MGRN1: variants seen among roughly 807,000 people sequenced by gnomAD.
MGRN1 encodes E3 ubiquitin-protein ligase MGRN1.
MGRN1 carries 29 observed loss-of-function variants against 69.2 expected under a neutral mutation model. The ratio of observed to expected loss-of-function variants is 0.42; its 90% CI spans 0.31 to 0.57. The LOEUF is 0.57. Among genes scored for constraint, MGRN1 ranks in the 20% least tolerant of loss-of-function variants. MGRN1 has a pLI of 0.15. For missense variants in MGRN1, 998 were observed against 796.2 expected (o/e 1.25, Z -3.05); for synonymous variants, 470 against 344.2 (o/e 1.37, Z -4.04).
chr16:4,687,951 C>T (rs1255643347), intron 16 of MGRN1: 2 of 985,590 alleles, frequency 2.0e-6, no homozygotes, highest in Admixed American at 6.1e-5. Flanking sequence ...TTTCAGACGG[C>T]CCCGGCCTGC....
intron 16 of MGRN1, chr16:4,686,629 C>T: frequency 8.6e-7 from 1 of 1,166,556 alleles, no homozygotes; most frequent in Non-Finnish European, 1.1e-6. Flanking sequence ...CCCAGGTGCG[C>T]CAGAGCCACT....
intron 11 of MGRN1, 74 bp downstream of exon 11, chr16:4,677,646 C>G (rs1033378487): frequency 3.6e-6 from 5 of 1,404,758 alleles, no homozygotes; most frequent in Non-Finnish European, 4.9e-6. Context: ...AAGGCCCAGA[C>G]GGTCCAGCCA....
In MGRN1 at chr16:4,624,853, G is replaced by C. The variant is rs1897583470; in HGVS notation, c.-108G>C. The C allele has an allele frequency of 2.2e-6, 2 of 926,992 alleles. No individual in the cohort carries two copies. Among genetic ancestry groups the C allele is most frequent in the African/African-American group, 1.7e-5 (1 of 57,532 alleles). 57.4% of individuals were successfully genotyped at this position (926,992 alleles called of 1,614,324 possible). ...GGGCTCGAGGCGCCTCCGCGGCCGT[G>C]GACGAGCGTCCGTGCGGCCTGGTCC... On this transcript the variant is annotated 5_prime_UTR_variant, in exon 1 of 17. Coordinates refer to ENST00000262370, the MANE Select transcript of MGRN1 (RefSeq NM_015246.4).
intron 1 of MGRN1, among the ~76,000 whole-genome samples, chr16:4,626,837 C>A (rs1259305682): frequency 6.6e-6 from 1 of 152,244 alleles, no homozygotes; most frequent in Non-Finnish European, 1.5e-5. Context: ...TTGGTTGGCA[C>A]TGGCACCCAG....
chr16:4,670,165 A>G (rs922533556), intron 8 of MGRN1, among the ~76,000 whole-genome samples: 2 of 150,140 alleles, frequency 1.3e-5, no homozygotes, highest in African/African-American at 5.1e-5. Context: ...CCCAGGTTCA[A>G]GTGATTTCTC....
chr16:4,671,334 G>C (rs1183325578), intron 8 of MGRN1, 57 bp from the exon 9 acceptor site: 35 of 1,563,012 alleles, frequency 2.2e-5, no homozygotes, highest in Non-Finnish European at 3.1e-5. Flanking sequence ...GGTGGGTATG[G>C]AGGAGCCCTC....
intron 1 of MGRN1, among the ~76,000 whole-genome samples, chr16:4,646,265 T>C (rs1468393669): frequency 6.6e-6 from 1 of 152,014 alleles, no homozygotes; most frequent in Non-Finnish European, 1.5e-5. Context: ...ACCCCATGTC[T>C]ACAAAAAATA....
In MGRN1 at chr16:4,688,910, A is replaced by C; in HGVS notation, c.*2A>C. On this transcript the variant is annotated 3_prime_UTR_variant, in exon 17 of 17. Coordinates refer to ENST00000262370, the MANE Select transcript of MGRN1 (RefSeq NM_015246.4). ...GCCGCCGAGCTGACCCCACTCTGAGAGCCTGGCCGAGCTGGCAGCATGGAG... is the reference window on the plus strand; with the variant it reads ...GCCGCCGAGCTGACCCCACTCTGAGCGCCTGGCCGAGCTGGCAGCATGGAG... 6.5e-7 allele frequency: 1 copy of C among 1,537,366 alleles called. No individual in the cohort carries two copies.
chr16:4,675,054 C>T (rs995163525), intron 10 of MGRN1, among the ~76,000 whole-genome samples: 15 of 152,086 alleles, frequency 9.9e-5, no homozygotes, highest in African/African-American at 3.4e-4. Context: ...CTCACTGTAA[C>T]CTCTGCCTCC....
intron 1 of MGRN1, among the ~76,000 whole-genome samples, chr16:4,637,869 C>T (rs914767782): frequency 6.6e-6 from 1 of 152,194 alleles, no homozygotes; most frequent in Admixed American, 6.5e-5. Flanking sequence ...TGGGGGCCAC[C>T]CTGAGGGTGG....
chr16:4,666,674 C>T (rs970881215), intron 7 of MGRN1, among the ~76,000 whole-genome samples: 2 of 152,204 alleles, frequency 1.3e-5, no homozygotes, highest in Non-Finnish European at 2.9e-5. Context: ...GCACATGTCA[C>T]AGACCCCCAG....
intron 8 of MGRN1, 51 bp downstream of exon 8, chr16:4,668,363 A>C: frequency 6.3e-7 from 1 of 1,583,250 alleles, no homozygotes; most frequent in Non-Finnish European, 8.7e-7. Flanking sequence ...ACACACATAT[A>C]CAATCACTCA....
intron 2 of MGRN1, chr16:4,651,254 T>C: frequency 6.6e-6 from 1 of 151,420 alleles, no homozygotes. Context: ...ACTCGAGTAC[T>C]GTGAGCTGTC....
chr16:4,686,246 C>G (rs770471727), intron 16 of MGRN1: 11 of 1,542,410 alleles, frequency 7.1e-6, no homozygotes, highest in South Asian at 4.8e-5. Context: ...TGTCTCTCCC[C>G]CTCTCCGCGC....
At chr16:4,665,225 C>G (rs554920339) in intron 7 of MGRN1, 74 bp downstream of exon 7, 14 of 1,536,740 alleles carry the variant, frequency 9.1e-6, no homozygotes, top group African/African-American at 4.1e-5. Flanking sequence ...AGACGAGAAG[C>G]CTGAGCAGGG....
At chr16:4,641,934 C>T (rs968397564) in intron 1 of MGRN1, among the ~76,000 whole-genome samples, 1 of 152,060 alleles carries the variant, frequency 6.6e-6, no homozygotes, top group African/African-American at 2.4e-5. Context: ...GGATTATAGG[C>T]GTGAGCCCCC....
At chr16:4,627,632 A>G (rs1328193500) in intron 1 of MGRN1, among the ~76,000 whole-genome samples, 1 of 151,674 alleles carries the variant, frequency 6.6e-6, no homozygotes, top group Non-Finnish European at 1.5e-5. Flanking sequence ...CTAAAAATAC[A>G]AAAAAATTTA....
intron 1 of MGRN1, among the ~76,000 whole-genome samples, chr16:4,638,757 A>G (rs1001586216): frequency 6.6e-6 from 1 of 152,160 alleles, no homozygotes; most frequent in African/African-American, 2.4e-5. Context: ...TCCTGTTAGA[A>G]CACGAGGAGA....
intron 1 of MGRN1, among the ~76,000 whole-genome samples, chr16:4,632,385 G>GT (rs911217463): frequency 8.4e-4 from 126 of 150,604 alleles, no homozygotes; most frequent in African/African-American, 2.8e-3. Context: ...TAGTCCAGTG[G>GT]TTTTTTTTGT....
Sources: allele counts gnomAD v4.1 joint callset (sites outside exome capture counted in the v4.1 genomes callset), GRCh38; gene constraint gnomAD v4.1.1; transcripts MANE v1.5; gene names NCBI Gene and HGNC (gene_info 2026-07-23, HGNC 2026-07-21).